The following CCDC171 variants were observed in gnomAD, a reference collection of about 807,000 sequenced individuals.
CCDC171 encodes coiled-coil domain containing 171, also known as coiled-coil domain-containing protein 171.
Under a neutral mutation model 168.2 loss-of-function variants are expected in CCDC171, and 177 were observed. The observed-to-expected ratio is 1.05, with a 90% CI of 0.93 to 1.19. The LOEUF (loss-of-function observed/expected upper bound fraction) is 1.19, where lower values mean the gene tolerates loss of function less well. Among genes scored for constraint, CCDC171 ranks in the 50% most tolerant of loss-of-function variants. The probability of loss-of-function intolerance (pLI) is 0.00; values close to 1 mark genes in which losing one functional copy is unlikely to be tolerated. For synonymous variants in CCDC171, 687 were observed against 540.8 expected (o/e 1.27, Z -3.75); for missense variants, 1,991 against 1,539.0 (o/e 1.29, Z -4.91).
rs748563364 is a variant in CCDC171, at chr9:15,846,711, G to A, written c.3277G>A (p.Glu1093Lys). Reference protein sequence around the residue: ...TLGEAVKSLSEAKMELRRKDQ... With the variant: ...TLGEAVKSLSKAKMELRRKDQ... ...TTCTGTCTGCTTGCAGAGTCTCTCC[G>A]AGGCAAAGATGGAGCTGAGAAGAAA... is the stretch of plus-strand genomic sequence containing the variant. The change falls in exon 22 of 26, where the codon GAG (glutamate) becomes AAG (lysine). Residue 1093 changes from glutamate (E) to lysine (K), a missense_variant. Coordinates refer to ENST00000380701, the MANE Select transcript of CCDC171 (RefSeq NM_173550.4). The A allele has an allele frequency of 2.0e-5, 33 of 1,612,798 alleles. No homozygotes were observed. The highest frequency in any genetic ancestry group is 2.6e-5 in the Non-Finnish European group (31 of 1,179,314).
the CCDC171 span, among the ~76,000 whole-genome samples, chr9:16,092,142 C>T: frequency 6.6e-6 from 1 of 152,228 alleles, no homozygotes; most frequent in Non-Finnish European, 1.5e-5. Context: ...GGATCTGCCT[C>T]CTCAGCTTTG....
downstream of CCDC171, among the ~76,000 whole-genome samples, chr9:16,063,776 G>A (rs12339530): frequency 5.1e-3 from 774 of 152,256 alleles, 7 homozygotes; most frequent in Admixed American, 0.012. Flanking sequence ...CCTCAAAACC[G>A]TCAAATGCAA....
At chr9:15,886,673 A>T (rs1300327624) in intron 24 of CCDC171, 1 of 151,990 alleles carries the variant, frequency 6.6e-6, no homozygotes, top group African/African-American at 2.4e-5. Flanking sequence ...TTCCATGTTC[A>T]TTGTAGCATT....
intron 3 of CCDC171, among the ~76,000 whole-genome samples, chr9:15,983,141 T>C (rs7047633): frequency 0.076 from 11,604 of 152,188 alleles, 1,448 homozygotes; most frequent in African/African-American, 0.26. Flanking sequence ...ACTTTTTTGA[T>C]AGGTTCTTCT....
intron 16 of CCDC171, among the ~76,000 whole-genome samples, chr9:15,740,648 C>T (rs934365603): frequency 4.5e-4 from 69 of 152,076 alleles, no homozygotes; most frequent in African/African-American, 1.6e-3. Flanking sequence ...CCATATTGGC[C>T]AGTCTGGTCT....
chr9:15,580,322 A>G (rs1020629809), intron 4 of CCDC171, among the ~76,000 whole-genome samples: 8 of 152,348 alleles, frequency 5.3e-5, no homozygotes, highest in Non-Finnish European at 8.8e-5. Context: ...GTTCATGACC[A>G]AGATCCCAAA....
chr9:16,103,812 C>T, the CCDC171 span, among the ~76,000 whole-genome samples: 4 of 152,124 alleles, frequency 2.6e-5, no homozygotes. Flanking sequence ...CAGTGATTTA[C>T]GGGCTTTGAC....
intron 21 of CCDC171, among the ~76,000 whole-genome samples, chr9:15,838,588 A>C (rs542809328): frequency 6.6e-6 from 1 of 152,288 alleles, no homozygotes; most frequent in Non-Finnish European, 1.5e-5. Context: ...CAGTTTAAAG[A>C]AGGATGGGAG....
the CCDC171 span, among the ~76,000 whole-genome samples, chr9:16,088,402 T>C: frequency 6.6e-6 from 1 of 152,158 alleles, no homozygotes; most frequent in Non-Finnish European, 1.5e-5. Flanking sequence ...AATAAATGTA[T>C]TCAGATAGGA....
intron 6 of CCDC171, among the ~76,000 whole-genome samples, chr9:15,609,273 AT>A (rs927151222): frequency 2.3e-4 from 34 of 149,500 alleles, no homozygotes; most frequent in Admixed American, 7.3e-4. Context: ...CTAATTTTTT[AT>A]TTTTTTTTAT....
intron 3 of CCDC171, among the ~76,000 whole-genome samples, chr9:16,004,599 T>C (rs561411681): frequency 1.3e-4 from 20 of 152,268 alleles, no homozygotes; most frequent in African/African-American, 4.1e-4. Flanking sequence ...CGTATGACTC[T>C]AGGTGTCCAT....
chr9:15,809,051 T>C (rs1238758609), intron 21 of CCDC171, among the ~76,000 whole-genome samples: 1 of 152,180 alleles, frequency 6.6e-6, no homozygotes, highest in Admixed American at 6.5e-5. Context: ...TTTTGAGTGC[T>C]CGTCCATGAT....
intron 24 of CCDC171, among the ~76,000 whole-genome samples, chr9:15,914,622 C>T (rs1824223734): frequency 6.6e-6 from 1 of 152,086 alleles, no homozygotes; most frequent in South Asian, 2.1e-4. Flanking sequence ...CCACTTGGCT[C>T]CCTGGCTTCA....
the CCDC171 span, among the ~76,000 whole-genome samples, chr9:16,084,251 C>G: frequency 6.6e-6 from 1 of 152,150 alleles, no homozygotes; most frequent in South Asian, 2.1e-4. Flanking sequence ...TGGCTGACTG[C>G]TCCCTATCCT....
chr9:16,007,407 C>G (rs1206156917), intron 3 of CCDC171, among the ~76,000 whole-genome samples: 1 of 152,156 alleles, frequency 6.6e-6, no homozygotes, highest in Non-Finnish European at 1.5e-5. Context: ...ATGGTAGTTT[C>G]TTTTGCTGTG....
At chr9:16,107,784 A>G in the CCDC171 span, among the ~76,000 whole-genome samples, 1 of 152,210 alleles carries the variant, frequency 6.6e-6, no homozygotes, top group Non-Finnish European at 1.5e-5. Context: ...CCACATGGCC[A>G]TAAGTTTCTC....
intron 16 of CCDC171, among the ~76,000 whole-genome samples, chr9:15,742,876 A>T (rs1281879489): frequency 6.6e-6 from 1 of 151,982 alleles, no homozygotes; most frequent in East Asian, 1.9e-4. Flanking sequence ...TGGACTAAAG[A>T]GATCCTCCCA....
chr9:15,809,638 T>C (rs1348121006), intron 21 of CCDC171, among the ~76,000 whole-genome samples: 1 of 151,512 alleles, frequency 6.6e-6, no homozygotes, highest in Non-Finnish European at 1.5e-5. Context: ...TGTCCGGAGT[T>C]GTTCATTCCT....
At chr9:15,939,486 A>G (rs1827478411) in intron 25 of CCDC171, among the ~76,000 whole-genome samples, 1 of 151,948 alleles carries the variant, frequency 6.6e-6, no homozygotes, top group African/African-American at 2.4e-5. Flanking sequence ...AATGCTTCTT[A>G]GCAGTGATTC....
Sources: allele counts gnomAD v4.1 joint callset (sites outside exome capture counted in the v4.1 genomes callset), GRCh38; gene constraint gnomAD v4.1.1; transcripts MANE v1.5; gene names NCBI Gene and HGNC (gene_info 2026-07-23, HGNC 2026-07-21).